ST3GAL6: variants seen among roughly 807,000 people sequenced by gnomAD.
ST3GAL6 encodes type 2 lactosamine alpha-2,3-sialyltransferase.
Under a neutral mutation model 40.5 loss-of-function variants are expected in ST3GAL6, and 31 were observed. That is an observed-to-expected ratio of 0.77 (90% CI 0.58 to 1.03). ST3GAL6 has a LOEUF of 1.03. Among genes scored for constraint, ST3GAL6 ranks in the 50% least tolerant of loss-of-function variants. The pLI, the probability that ST3GAL6 is intolerant of heterozygous loss-of-function variation, is 0.00. For missense variants in ST3GAL6, 357 were observed against 393.2 expected, an observed-to-expected ratio of 0.91 and a Z score of 0.78; for synonymous variants, 129 against 136.9, an observed-to-expected ratio of 0.94 and a Z score of 0.40.
At chr3:98,738,755 C>G (rs1935797184) in intron 1 of ST3GAL6, among the ~76,000 whole-genome samples, 1 of 152,182 alleles carries the variant, frequency 6.6e-6, no homozygotes, top group Admixed American at 6.5e-5. Context: ...CACACAATAA[C>G]AGTGGGAGAC....
At chr3:98,754,968 A>G (rs1425413596) in intron 1 of ST3GAL6, among the ~76,000 whole-genome samples, 1 of 152,242 alleles carries the variant, frequency 6.6e-6, no homozygotes, top group Non-Finnish European at 1.5e-5. Flanking sequence ...GACTTGCTTT[A>G]TTGTGATATT....
chr3:98,745,953 T>C (rs932735457), intron 1 of ST3GAL6, among the ~76,000 whole-genome samples: 5 of 152,202 alleles, frequency 3.3e-5, no homozygotes, highest in African/African-American at 9.6e-5. Context: ...ATCCATACTC[T>C]CTCGGCTCAG....
chr3:98,782,437 A>G, intron 5 of ST3GAL6: 3 of 621,532 alleles, frequency 4.8e-6, no homozygotes, highest in Non-Finnish European at 8.6e-6. Flanking sequence ...GCCAGATCTG[A>G]ATATAAAATC....
rs796798952 is a variant in ST3GAL6 at position 98,746,799 on chromosome 3, A to G, written c.-12+14267A>G. Among the ~76,000 whole-genome samples, 78 of 152,300 alleles carry G rather than the reference A, an allele frequency of 5.1e-4. 1 individual carries two copies. The highest frequency in any genetic ancestry group is 1.8e-3 in the African/African-American group (74 of 41,554). On this transcript the variant is annotated intron_variant, in intron 1 of 9. Coordinates refer to the ST3GAL6 transcript ENST00000265261. ...GCACATGTTATAGTTTGATACATTC[A>G]TATAATCACATCAGGATAATTAGGA...
upstream of ST3GAL6, among the ~76,000 whole-genome samples, chr3:98,759,000 A>G (rs1264428530): frequency 6.6e-6 from 1 of 152,234 alleles, no homozygotes; most frequent in Admixed American, 6.5e-5. Context: ...GCTGAGACTC[A>G]AACTCAGGGG....
Position 98,734,721 on chromosome 3 carries a change from C to A in ST3GAL6, c.-12+2189C>A, listed in dbSNP as rs1676029282. On this transcript the variant is annotated intron_variant, in intron 1 of 9. Coordinates refer to the ST3GAL6 transcript ENST00000265261. Reference sequence around the variant, plus strand: ...AAAACCTTTGAGGCTCAAGAATAGACAGTATTGACAGAATAATACCATTAA... The same window carrying A: ...AAAACCTTTGAGGCTCAAGAATAGAAAGTATTGACAGAATAATACCATTAA... Among the ~76,000 whole-genome samples the A allele has an allele frequency of 2.6e-5, 4 of 152,194 alleles. No homozygotes were observed. In the South Asian group the frequency reaches 8.3e-4, roughly 32 times the overall value.
intron 6 of ST3GAL6, among the ~76,000 whole-genome samples, chr3:98,785,486 G>A (rs955126308): frequency 6.6e-6 from 1 of 152,180 alleles, no homozygotes; most frequent in Non-Finnish European, 1.5e-5. Context: ...GAAGATTATG[G>A]TAGAGCAGTC....
chr3:98,779,104 G>A (rs987784303), intron 5 of ST3GAL6, among the ~76,000 whole-genome samples: 22 of 152,182 alleles, frequency 1.4e-4, no homozygotes, highest in African/African-American at 5.3e-4. Flanking sequence ...TGATGTCAAG[G>A]CTCCAGGGTA....
At chr3:98,758,280 C>G (rs551190428) in intron 1 of ST3GAL6, among the ~76,000 whole-genome samples, 1 of 152,316 alleles carries the variant, frequency 6.6e-6, no homozygotes, top group South Asian at 2.1e-4. Context: ...TGCTTCAACA[C>G]CTAGGACACA....
chr3:98,772,985 A>G, intron 4 of ST3GAL6, 69 bp downstream of exon 4: 1 of 978,416 alleles, frequency 1.0e-6, no homozygotes, highest in Non-Finnish European at 1.6e-6. Context: ...GCATGTTAAT[A>G]TAATTTTAAG....
chr3:98,766,401 C>CATT (rs1938329690), intron 1 of ST3GAL6, among the ~76,000 whole-genome samples: 1 of 113,710 alleles, frequency 8.8e-6, no homozygotes, highest in African/African-American at 3.8e-5. Context: ...GCATAAATGT[C>CATT]ATTCTTTTTT....
Position 98,772,891 on chromosome 3 carries a change from T to C in ST3GAL6, c.246T>C (p.Asp82=). 6.2e-7 allele frequency: 1 copy of C among 1,612,632 alleles called. No individual in the cohort carries two copies. The highest frequency in any genetic ancestry group is 8.5e-7 in the Non-Finnish European group (1 of 1,178,868). ...CCTTGTATGGTAGCGATAAGTTTGA[T>C]TTGCCCTATGGGATGAGAACATCAG... ...IASLYGSDKF[D]LPYGMRTSAE... is the part of the protein sequence containing the mutation. Residue 82 remains aspartate, a synonymous_variant, in exon 4 of 10, where the codon GAT becomes GAC. Coordinates refer to ENST00000483910, the MANE Select transcript of ST3GAL6 (RefSeq NM_001323368.2).
At chr3:98,762,906 G>T (rs1449512015), upstream of ST3GAL6, 1 of 985,232 alleles carries the variant, frequency 1.0e-6, no homozygotes, top group Non-Finnish European at 1.2e-6. Flanking sequence ...TTTAGTAAGT[G>T]GTTAATAAAC....
intron 1 of ST3GAL6, among the ~76,000 whole-genome samples, chr3:98,740,643 A>G (rs935355462): frequency 2.6e-5 from 4 of 152,218 alleles, no homozygotes; most frequent in Admixed American, 6.5e-5. Context: ...TTCCTTATCT[A>G]TAAATTTGAA....
chr3:98,767,056 C>G (rs893150425), intron 1 of ST3GAL6, among the ~76,000 whole-genome samples: 3 of 152,162 alleles, frequency 2.0e-5, no homozygotes, highest in African/African-American at 7.2e-5. Context: ...TATTTGCTTT[C>G]TCCTGACATA....
At chr3:98,783,710 C>T in intron 5 of ST3GAL6, 11 of 985,238 alleles carry the variant, frequency 1.1e-5, no homozygotes, top group Non-Finnish European at 1.3e-5. Context: ...GCCCTCCCCG[C>T]CCCCAAGTCC....
At chr3:98,734,217 C>A (rs1363076140) in intron 1 of ST3GAL6, among the ~76,000 whole-genome samples, 12 of 152,180 alleles carry the variant, frequency 7.9e-5, no homozygotes. Flanking sequence ...TTGGGAACAT[C>A]TGCTCAGGCT....
At chr3:98,738,968 C>A (rs754997544) in intron 1 of ST3GAL6, among the ~76,000 whole-genome samples, 2 of 152,126 alleles carry the variant, frequency 1.3e-5, no homozygotes, top group Non-Finnish European at 2.9e-5. Flanking sequence ...CAATCCTCAG[C>A]AAATTCAAAA....
At chr3:98,750,740 C>G (rs1936947179) in intron 1 of ST3GAL6, among the ~76,000 whole-genome samples, 1 of 152,138 alleles carries the variant, frequency 6.6e-6, no homozygotes, top group African/African-American at 2.4e-5. Flanking sequence ...TTAGAACATA[C>G]TAGTAATGTG....
Sources: gnomAD v4.1 joint callset for allele counts (sites outside exome capture counted in the v4.1 genomes callset) on GRCh38, gnomAD v4.1.1 for gene constraint, MANE v1.5 for transcripts, NCBI Gene and HGNC (gene_info 2026-07-23, HGNC 2026-07-21) for gene names.